Variants in GRB10 observed in about 807,000 individuals in gnomAD.
GRB10 encodes growth factor receptor bound protein 10.
GRB10 carries 20 observed loss-of-function variants against 80.9 expected under a neutral mutation model. That is an observed-to-expected ratio of 0.25 (90% CI 0.17 to 0.36). GRB10 has a LOEUF of 0.36. Ranked by LOEUF, GRB10 falls within the 10% of genes least tolerant of loss-of-function variation. The probability of loss-of-function intolerance (pLI) is 1.00; values close to 1 mark genes in which losing one functional copy is unlikely to be tolerated. For missense variants in GRB10, 548 were observed against 747.7 expected (o/e 0.73, Z 3.12); for synonymous variants, 291 against 291.5 (o/e 1.00, Z 0.02).
chr7:50,747,243 G>A (rs1460508169), intron 3 of GRB10, among the ~76,000 whole-genome samples: 1 of 152,210 alleles, frequency 6.6e-6, no homozygotes, highest in Non-Finnish European at 1.5e-5. Flanking sequence ...CCTGAGCCAT[G>A]AGCCCAGGCG....
At chr7:50,641,202 G>C (rs1054351447) in intron 7 of GRB10, among the ~76,000 whole-genome samples, 2 of 150,618 alleles carry the variant, frequency 1.3e-5, no homozygotes, top group African/African-American at 2.5e-5. Flanking sequence ...CTGTTCGTCT[G>C]TTCGATGAAT....
At chr7:50,642,142 T>C (rs1017720086) in intron 7 of GRB10, among the ~76,000 whole-genome samples, 1 of 152,096 alleles carries the variant, frequency 6.6e-6, no homozygotes, top group Non-Finnish European at 1.5e-5. Context: ...CTCTTGAGCC[T>C]CAGAGGCCTA....
At chr7:50,608,655 GATTTTA>G (rs1389385115) in intron 13 of GRB10, among the ~76,000 whole-genome samples, 2 of 152,170 alleles carry the variant, frequency 1.3e-5, no homozygotes, top group Non-Finnish European at 2.9e-5. Context: ...CATTATAAAA[GATTTTA>G]ATAAGTTCAA....
At chr7:50,689,987 G>T (rs2062603057) in intron 5 of GRB10, among the ~76,000 whole-genome samples, 1 of 149,494 alleles carries the variant, frequency 6.7e-6, no homozygotes, top group Non-Finnish European at 1.5e-5. Context: ...GTTAATTGTG[G>T]TTAAAAAGGA....
At chr7:50,674,414 T>C in intron 6 of GRB10, 22 bp downstream of exon 6, 2 of 1,598,520 alleles carry the variant, frequency 1.3e-6, no homozygotes, top group East Asian at 4.5e-5. Context: ...GAGAAGGCTC[T>C]GCCCATAAGG....
At chr7:50,601,617 G>A (rs994784797) in intron 17 of GRB10, among the ~76,000 whole-genome samples, 3 of 151,832 alleles carry the variant, frequency 2.0e-5, no homozygotes, top group African/African-American at 7.3e-5. Flanking sequence ...TTTGTATTAT[G>A]TAATATAAAG....
chr7:50,682,031 G>C (rs1046123354), intron 5 of GRB10, among the ~76,000 whole-genome samples: 1 of 152,218 alleles, frequency 6.6e-6, no homozygotes, highest in Non-Finnish European at 1.5e-5. Context: ...AGGGGGCTTT[G>C]CTTTCCTTGG....
At chr7:50,641,276 A>AG (rs1554510395) in intron 7 of GRB10, among the ~76,000 whole-genome samples, 25 of 148,136 alleles carry the variant, frequency 1.7e-4, no homozygotes, top group African/African-American at 4.6e-4. Flanking sequence ...TCATCAAAAA[A>AG]GGTGGGGGGG....
In GRB10 at chr7:50,605,297, G is replaced by A. The variant is rs1393514820; in HGVS notation, c.1382C>T (p.Ala461Val). ...CCAGGGCCGGGGCCTTACCCTCCAG[G>A]CGTGGCCCTCCTCCAGGGCTGCGCT... ...AQSAALEEGH[A>V]WRKRSTRMNI... The change falls in exon 15 of 19, where the codon GCC becomes GTC. Residue 461 changes from alanine (A) to valine (V), a missense_variant. Transcript: ENST00000401949. 3 of 1,612,516 alleles carry A rather than the reference G, an allele frequency of 1.9e-6. No individual in the cohort carries two copies. Among genetic ancestry groups the A allele is most frequent in the African/African-American group, 1.3e-5 (1 of 74,928 alleles).
chr7:50,701,193 C>T (rs570048835), intron 5 of GRB10, among the ~76,000 whole-genome samples: 16 of 152,238 alleles, frequency 1.1e-4, no homozygotes, highest in African/African-American at 3.4e-4. Context: ...ATACTTTAGA[C>T]GCACCTAATA....
rs1800603 is a variant in GRB10, at chr7:50,604,395, C to T, written c.1390-18G>A. 3.1e-6 allele frequency: 5 copies of T among 1,605,186 alleles called. No individual in the cohort carries two copies. The highest frequency in any genetic ancestry group is 4.5e-5 in the East Asian group (2 of 44,842). On this transcript the variant is annotated intron_variant, in intron 15 of 18. Transcript: ENST00000401949. ...CTTCGCTTCTGCAAAAGAAATCCCA[C>T]ATTAGCACCGAGGACAGCAGACAGA...
intron 2 of GRB10, among the ~76,000 whole-genome samples, chr7:50,770,929 C>A (rs1001192419): frequency 1.3e-5 from 2 of 151,960 alleles, no homozygotes; most frequent in Non-Finnish European, 2.9e-5. Context: ...CTCTTTGGGG[C>A]CTTCAGTAAT....
chr7:50,694,668 C>A (rs2063231013), intron 5 of GRB10, among the ~76,000 whole-genome samples: 1 of 152,164 alleles, frequency 6.6e-6, no homozygotes, highest in South Asian at 2.1e-4. Flanking sequence ...AGCCTGTCTT[C>A]CTGGGGATGA....
At chr7:50,619,953 C>T (rs536577277) in intron 8 of GRB10, among the ~76,000 whole-genome samples, 106 of 152,268 alleles carry the variant, frequency 7.0e-4, no homozygotes, top group African/African-American at 2.2e-3. Flanking sequence ...CGTACGCACA[C>T]GCCTCCTTCA....
At chr7:50,702,449 T>C (rs1461295650) in intron 5 of GRB10, among the ~76,000 whole-genome samples, 1 of 152,230 alleles carries the variant, frequency 6.6e-6, no homozygotes, top group African/African-American at 2.4e-5. Flanking sequence ...TGGACATGCC[T>C]GGGTCTGAGC....
intron 7 of GRB10, among the ~76,000 whole-genome samples, chr7:50,650,375 C>T (rs1281956152): frequency 6.6e-6 from 1 of 152,124 alleles, no homozygotes; most frequent in African/African-American, 2.4e-5. Flanking sequence ...AGTCAAGCAG[C>T]TGGTCCTGGG....
At chr7:50,778,431 T>G (rs1002290056) in intron 2 of GRB10, among the ~76,000 whole-genome samples, 2 of 152,194 alleles carry the variant, frequency 1.3e-5, no homozygotes, top group Non-Finnish European at 2.9e-5. Context: ...ACTGATCAAC[T>G]AGGGCAGGCA....
At chr7:50,697,177 T>C (rs1158566293) in intron 5 of GRB10, among the ~76,000 whole-genome samples, 1 of 152,184 alleles carries the variant, frequency 6.6e-6, no homozygotes, top group Non-Finnish European at 1.5e-5. Flanking sequence ...GGGTACAGAG[T>C]TTCTGTTTGG....
chr7:50,593,888 C>T (rs1212028423), intron 18 of GRB10, among the ~76,000 whole-genome samples: 2 of 152,184 alleles, frequency 1.3e-5, no homozygotes, highest in Non-Finnish European at 2.9e-5. Flanking sequence ...AGAGGCTGCA[C>T]ACCTAATGCC....
Sources: gnomAD v4.1 joint callset for allele counts (sites outside exome capture counted in the v4.1 genomes callset) on GRCh38, gnomAD v4.1.1 for gene constraint, MANE v1.5 for transcripts, NCBI Gene and HGNC (gene_info 2026-07-23, HGNC 2026-07-21) for gene names.